EML6: variants seen among roughly 807,000 people sequenced by gnomAD.
EML6 encodes the protein echinoderm microtubule-associated protein-like 6.
Under a neutral mutation model 240.1 loss-of-function variants are expected in EML6, and 154 were observed. The ratio of observed to expected loss-of-function variants is 0.64; its 90% CI spans 0.56 to 0.73. EML6 has a LOEUF of 0.73. Ranked by LOEUF, EML6 falls within the 30% of genes least tolerant of loss-of-function variation. The pLI is 0.00. For missense variants in EML6, 2,964 were observed against 2,474.6 expected, an observed-to-expected ratio of 1.20 and a Z score of -4.20; for synonymous variants, 1,148 against 899.0, an observed-to-expected ratio of 1.28 and a Z score of -4.95.
chr2:54,946,590 C>T (rs368958159), intron 28 of EML6, among the ~76,000 whole-genome samples: 1 of 152,186 alleles, frequency 6.6e-6, no homozygotes, highest in African/African-American at 2.4e-5. Flanking sequence ...ATGTTATGAA[C>T]ACTGTTTATA....
intron 2 of EML6, among the ~76,000 whole-genome samples, chr2:54,773,892 T>C (rs1018464899): frequency 6.6e-6 from 1 of 152,238 alleles, no homozygotes. Context: ...CAGATCTAGA[T>C]TCAAATCTGT....
chr2:54,755,748 C>T (rs190245105), intron 2 of EML6, among the ~76,000 whole-genome samples: 17 of 152,238 alleles, frequency 1.1e-4, no homozygotes, highest in African/African-American at 3.4e-4. Context: ...GCACCCTCCA[C>T]CTCCCAGGCT....
chr2:54,865,775 C>A (rs1364643855), intron 13 of EML6, among the ~76,000 whole-genome samples: 1 of 152,166 alleles, frequency 6.6e-6, no homozygotes, highest in African/African-American at 2.4e-5. Context: ...ATGTCACTTT[C>A]CAATGCTTTC....
chr2:54,751,947 G>T (rs115811391), intron 2 of EML6, among the ~76,000 whole-genome samples: 350 of 152,268 alleles, frequency 2.3e-3, no homozygotes, highest in Non-Finnish European at 3.5e-3. Context: ...TTAAGGGTTT[G>T]CATTTTGTGT....
chr2:54,953,068 C>T (rs570187760), intron 31 of EML6, among the ~76,000 whole-genome samples: 19 of 152,194 alleles, frequency 1.2e-4, no homozygotes, highest in Non-Finnish European at 8.8e-5. Flanking sequence ...GGGAAACTGC[C>T]GGTGACAAAT....
intron 11 of EML6, among the ~76,000 whole-genome samples, chr2:54,858,610 C>T (rs773957433): frequency 1.3e-5 from 2 of 152,194 alleles, no homozygotes; most frequent in Non-Finnish European, 2.9e-5. Flanking sequence ...TGCTTCCTTT[C>T]CCTTCTGCAG....
intron 2 of EML6, among the ~76,000 whole-genome samples, chr2:54,795,017 C>A (rs1669681622): frequency 6.6e-6 from 1 of 152,262 alleles, no homozygotes; most frequent in South Asian, 2.1e-4. Context: ...CAGAATTTTA[C>A]CACGCCATTC....
At chr2:54,856,709 T>A (rs887679306) in intron 11 of EML6, among the ~76,000 whole-genome samples, 2 of 152,184 alleles carry the variant, frequency 1.3e-5, no homozygotes, top group Admixed American at 6.6e-5. Flanking sequence ...GTGACAGGGC[T>A]GTGTCGTAAA....
intron 7 of EML6, among the ~76,000 whole-genome samples, chr2:54,834,160 G>C (rs1669014493): frequency 6.6e-6 from 1 of 152,118 alleles, no homozygotes; most frequent in African/African-American, 2.4e-5. Context: ...GGCGGGGCAT[G>C]GGGAGAACTC....
At chr2:54,764,162 T>A (rs1668088693) in intron 2 of EML6, among the ~76,000 whole-genome samples, 1 of 152,260 alleles carries the variant, frequency 6.6e-6, no homozygotes, top group Non-Finnish European at 1.5e-5. Flanking sequence ...CAATATGCCA[T>A]TTTAGAAAGG....
chr2:54,902,915 G>A (rs1673135332), intron 22 of EML6, 129 bp from the exon 23 acceptor site: 1 of 785,264 alleles, frequency 1.3e-6, no homozygotes, highest in East Asian at 2.7e-5. Context: ...TCTCACAAGT[G>A]TAGTGTCAAT....
At chr2:54,814,202 G>T (rs1268099961) in intron 3 of EML6, among the ~76,000 whole-genome samples, 1 of 152,160 alleles carries the variant, frequency 6.6e-6, no homozygotes, top group Admixed American at 6.5e-5. Flanking sequence ...GGACAAATCT[G>T]CAAGACTCCT....
In EML6 at chr2:54,827,574, A is replaced by G. The variant is rs773509258; in HGVS notation, c.534A>G (p.Thr178=). The G allele has an allele frequency of 1.9e-6, 3 of 1,551,466 alleles. No individual in the cohort carries two copies. The highest frequency in any genetic ancestry group is 1.7e-4 in the Middle Eastern group (1 of 5,946). ...TATCACTTACATTGTAGTTTTGGAC[A>G]CTGTGTGGAAATGCCCTGACTGCAA... is the stretch of plus-strand genomic sequence containing the variant. ...SCGVKHIKFW[T]LCGNALTAKR... is the part of the protein sequence containing the mutation. Residue 178 remains threonine, a synonymous_variant, in exon 6 of 42, where the codon ACA becomes ACG. Coordinates refer to ENST00000356458, the MANE Select transcript of EML6 (RefSeq NM_001039753.4).
rs773498648 is a variant in EML6 at position 54,797,164 on chromosome 2, CAAA to C, written c.198-16045_198-16043del. On this transcript the variant is annotated intron_variant, in intron 2 of 41. Coordinates refer to ENST00000356458, the MANE Select transcript of EML6 (RefSeq NM_001039753.4). ...TGGGTGACAGAGCAAGACTCCATCT[CAAA>C]AAAAAAAAAAAAAAAAAAAAAACTG... Among the ~76,000 whole-genome samples, 252 of 43,802 alleles carry C rather than the reference CAAA, an allele frequency of 5.8e-3. 3 individuals are homozygous for C. Among genetic ancestry groups the C allele is most frequent in the South Asian group, 0.024 (21 of 878 alleles). The allele number at this position is 43,802 out of a possible 152,430, so 28.7% of individuals were successfully genotyped here.
chr2:54,746,524 A>C (rs1166270989), intron 2 of EML6, among the ~76,000 whole-genome samples: 1 of 152,206 alleles, frequency 6.6e-6, no homozygotes, highest in Non-Finnish European at 1.5e-5. Context: ...TAAAAATATA[A>C]AGAAGAGAGA....
intron 7 of EML6, among the ~76,000 whole-genome samples, chr2:54,830,738 AC>A (rs1340997575): frequency 6.6e-6 from 1 of 152,244 alleles, no homozygotes; most frequent in Non-Finnish European, 1.5e-5. Flanking sequence ...CAGTTGAGCA[AC>A]AGGGAAATGA....
chr2:54,962,547 G>C lies in EML6; in HGVS notation c.4993G>C (p.Asp1665His). ...GGGAAAAATCTTAGTGGGAACCAAA[G>C]ACGGAGAAATAATTGAAGTTGGTGA... Reference protein sequence around the residue: ...GKGKILVGTKDGEIIEVGEKN... With the variant: ...GKGKILVGTKHGEIIEVGEKN... The change falls in exon 36 of 42, where the codon GAC becomes CAC. Residue 1665 changes from aspartate to histidine, a missense_variant. Physicochemically the swap from Asp to His is moderately conservative, Grantham distance 81 (BLOSUM62 -1). Transcript: ENST00000356458. The C allele has an allele frequency of 1.9e-6, 3 of 1,547,964 alleles. No homozygotes were observed. Among genetic ancestry groups the C allele is most frequent in the Non-Finnish European group, 2.6e-6 (3 of 1,145,358 alleles).
Position 54,859,632 on chromosome 2 carries a change from C to A in EML6, c.1756C>A (p.His586Asn). ...GGTGTTGAGCACAGGAGGGGCTGAT[C>A]ACTCAGTTTTCCAGTGGAGGTTTAT... is the stretch of plus-strand genomic sequence containing the variant. ...QWVLSTGGAD[H>N]SVFQWRFIPE... Residue 586 changes from histidine (H) to asparagine (N), a missense_variant, in exon 12 of 42, where the codon CAC becomes AAC. Coordinates refer to ENST00000356458, the MANE Select transcript of EML6 (RefSeq NM_001039753.4). The A allele has an allele frequency of 6.4e-7, 1 of 1,551,384 alleles. No individual in the cohort carries two copies. Among genetic ancestry groups the A allele is most frequent in the Non-Finnish European group, 8.7e-7 (1 of 1,146,868 alleles).
intron 2 of EML6, among the ~76,000 whole-genome samples, chr2:54,799,192 C>T (rs535298665): frequency 6.6e-6 from 1 of 152,280 alleles, no homozygotes; most frequent in South Asian, 2.1e-4. Context: ...TACCTAGTAG[C>T]TGGGACTACA....
Sources: gnomAD v4.1 joint callset for allele counts (sites outside exome capture counted in the v4.1 genomes callset) on GRCh38, gnomAD v4.1.1 for gene constraint, MANE v1.5 for transcripts, NCBI Gene and HGNC (gene_info 2026-07-23, HGNC 2026-07-21) for gene names.